Variants in FCRL6 observed in about 807,000 individuals in gnomAD.
FCRL6 encodes the protein Fc receptor-like protein 6.
Under a neutral mutation model 49.1 loss-of-function variants are expected in FCRL6, and 50 were observed. The ratio of observed to expected loss-of-function variants is 1.02; its 90% CI spans 0.81 to 1.29. The LOEUF is 1.29. FCRL6 is among the 50% of genes most tolerant of loss of function. The pLI is 0.00. For missense variants in FCRL6, 571 were observed against 518.5 expected (o/e 1.10, Z -0.98); for synonymous variants, 213 against 199.6 (o/e 1.07, Z -0.57).
At chr1:159,811,852 C>A (rs1663105517) in intron 6 of FCRL6, among the ~76,000 whole-genome samples, 1 of 152,200 alleles carries the variant, frequency 6.6e-6, no homozygotes, top group Non-Finnish European at 1.5e-5. Flanking sequence ...AATCCTCCTC[C>A]AAAGGGCCCA....
chr1:159,808,360 G>T lies in FCRL6; in HGVS notation c.235G>T (p.Gly79Cys), dbSNP rs1487920512. The T allele has an allele frequency of 6.2e-7, 1 of 1,614,058 alleles. No homozygotes were observed. Among genetic ancestry groups the T allele is most frequent in the Non-Finnish European group, 8.5e-7 (1 of 1,180,014 alleles). Residue 79 changes from glycine (G) to cysteine (C), a missense_variant, in exon 3 of 10, where the codon GGC becomes TGC. Coordinates refer to ENST00000368106, the MANE Select transcript of FCRL6 (RefSeq NM_001004310.3). ...GGGAGCAGCAACAGTGCAGAGCCGT[G>T]GCCAGTACAGCTGCTCTGGGCAGGT... ...SMGAATVQSR[G>C]QYSCSGQVMY...
chr1:159,803,118 G>T (rs1557869815), intron 1 of FCRL6, among the ~76,000 whole-genome samples: 2 of 152,126 alleles, frequency 1.3e-5, no homozygotes, highest in Non-Finnish European at 2.9e-5. Flanking sequence ...TCCATTGTCT[G>T]ATCCATGTCT....
At chr1:159,808,058 A>T in intron 2 of FCRL6, 120 bp from the exon 3 acceptor site, 1 of 1,090,930 alleles carries the variant, frequency 9.2e-7, no homozygotes, top group Non-Finnish European at 1.3e-6. Flanking sequence ...CAGTGACACC[A>T]TACCAGTGCC....
chr1:159,815,339 G>A (rs1663328349), intron 8 of FCRL6, 89 bp from the exon 9 acceptor site: 2 of 1,431,556 alleles, frequency 1.4e-6, no homozygotes, highest in Admixed American at 4.1e-5. Flanking sequence ...TGGCTTTCTA[G>A]AGGAAGATAG....
rs751102046 is a variant in FCRL6 at position 159,809,525 on chromosome 1, T to C, written c.728T>C (p.Leu243Pro). 1.4e-5 allele frequency: 23 copies of C among 1,614,060 alleles called. No homozygotes were observed. The highest frequency in any genetic ancestry group is 1.9e-5 in the Non-Finnish European group (23 of 1,180,022). ...GSPPILYSFY[L>P]DEKIVGNHSA... ...CCTCCGATCCTGTATTCCTTCTACCTTGATGAGAAGATTGTGGGGAACCAC... is the reference window on the plus strand; with the variant it reads ...CCTCCGATCCTGTATTCCTTCTACCCTGATGAGAAGATTGTGGGGAACCAC... The change falls in exon 5 of 10, where the codon CTT becomes CCT. Residue 243 changes from leucine to proline, a missense_variant. By Grantham distance (98) the Leu-to-Pro change is moderately conservative. Transcript: ENST00000368106.
chr1:159,809,040 G>A lies in FCRL6; in HGVS notation c.399G>A (p.Gln133=), dbSNP rs764917537. The A allele has an allele frequency of 7.1e-5, 115 of 1,613,952 alleles. No individual in the cohort carries two copies. The highest frequency in any genetic ancestry group is 8.8e-5 in the Non-Finnish European group (104 of 1,179,986). Residue 133 remains glutamine, a synonymous_variant, in exon 4 of 10, where the codon CAG becomes CAA. Transcript: ENST00000368106. ...REGSLVTLRC[Q]TKLHPLRSAL... ...GTAGCCTGGTGACCCTGAGATGTCA[G>A]ACAAAGCTGCACCCCCTGAGGTCAG...
At position 159,808,981 on chromosome 1, in the gene FCRL6, C is replaced by A. The variant is rs766589252; in HGVS notation, c.340C>A (p.Leu114Met). The A allele has an allele frequency of 1.2e-6, 2 of 1,611,428 alleles. No homozygotes were observed. Among genetic ancestry groups the A allele is most frequent in the South Asian group, 1.1e-5 (1 of 90,680 alleles). Reference protein sequence around the residue: ...QVQELFPPPVLSAIPSPEPRE... With the variant: ...QVQELFPPPVMSAIPSPEPRE... ...CCCAGAGCTGTTTCCACCTCCTGTGCTGAGTGCCATCCCCTCTCCTGAGCC... is the reference window on the plus strand; with the variant it reads ...CCCAGAGCTGTTTCCACCTCCTGTGATGAGTGCCATCCCCTCTCCTGAGCC... Residue 114 changes from leucine to methionine, a missense_variant, in exon 4 of 10, where the codon CTG becomes ATG. Coordinates refer to ENST00000368106, the MANE Select transcript of FCRL6 (RefSeq NM_001004310.3).
chr1:159,802,520 C>A, intron 1 of FCRL6, 65 bp downstream of exon 1: 5 of 1,424,122 alleles, frequency 3.5e-6, no homozygotes, highest in East Asian at 2.3e-5. Context: ...CCCTGAGACA[C>A]CAAGTTCCTC....
upstream of FCRL6, chr1:159,800,724 A>G (rs976425174): frequency 4.1e-5 from 37 of 898,552 alleles, no homozygotes; most frequent in Non-Finnish European, 6.3e-5. Flanking sequence ...TTAGTTTCCC[A>G]CTTCCACTGA....
chr1:159,808,238 G>C lies in FCRL6; in HGVS notation c.113G>C (p.Arg38Pro). The C allele has an allele frequency of 6.2e-7, 1 of 1,613,368 alleles. No homozygotes were observed. Residue 38 changes from arginine (R) to proline (P), a missense_variant, in exon 3 of 10, where the codon CGA (arginine) becomes CCA (proline). By Grantham distance (103) the Arg-to-Pro change is moderately radical (BLOSUM62 -2). Coordinates refer to ENST00000368106, the MANE Select transcript of FCRL6 (RefSeq NM_001004310.3). ...PVFEGDALTLRCQGWKNTPLS... is the reference protein window; with the variant it reads ...PVFEGDALTLPCQGWKNTPLS... ...TTTGAAGGAGATGCCCTGACTCTGCGATGTCAGGGATGGAAGAATACACCA... is the reference window on the plus strand; with the variant it reads ...TTTGAAGGAGATGCCCTGACTCTGCCATGTCAGGGATGGAAGAATACACCA...
At chr1:159,814,682 C>T (rs957676463) in intron 8 of FCRL6, among the ~76,000 whole-genome samples, 1 of 152,228 alleles carries the variant, frequency 6.6e-6, no homozygotes, top group Non-Finnish European at 1.5e-5. Context: ...ATGTAGTCTT[C>T]CTTTGCTCCA....
intron 1 of FCRL6, among the ~76,000 whole-genome samples, chr1:159,802,915 C>G (rs1662431886): frequency 6.6e-6 from 1 of 152,176 alleles, no homozygotes; most frequent in African/African-American, 2.4e-5. Flanking sequence ...TGGAATTTTA[C>G]AGGGTGACAT....
chr1:159,813,475 C>T lies in FCRL6; in HGVS notation c.1010-14C>T, dbSNP rs1557878689. The T allele has an allele frequency of 2.5e-6, 4 of 1,612,776 alleles. No individual in the cohort carries two copies. The highest frequency in any genetic ancestry group is 3.4e-6 in the Non-Finnish European group (4 of 1,178,930). On this transcript the variant is annotated splice_polypyrimidine_tract_variant and intron_variant, in intron 6 of 9. Coordinates refer to ENST00000368106, the MANE Select transcript of FCRL6 (RefSeq NM_001004310.3). ...TAAGGGACACCCAGTGAATCATGCC[C>T]TTGTATCTCCTAGGGCCCCTTCCAT... is the stretch of plus-strand genomic sequence containing the variant.
upstream of FCRL6, among the ~76,000 whole-genome samples, chr1:159,801,981 G>A (rs1662361456): frequency 6.6e-6 from 1 of 152,028 alleles, no homozygotes; most frequent in African/African-American, 2.4e-5. Context: ...AAGCTGGGAG[G>A]TCACTCGGTG....
At chr1:159,815,296 G>A (rs796972972) in intron 8 of FCRL6, 132 bp from the exon 9 acceptor site, 9 of 855,000 alleles carry the variant, frequency 1.1e-5, no homozygotes, top group African/African-American at 1.0e-4. Context: ...AGGTTGAGGA[G>A]GAGTGAAAGG....
Position 159,806,626 on chromosome 1 carries a change from G to T in FCRL6, c.52+10G>T. ...TGTGTTGGGAAAACTGGTAAGTTGT[G>T]TCCATGTCTCTTCTAATTCAAAGTA... On this transcript the variant is annotated intron_variant, in intron 2 of 9. Transcript: ENST00000368106. The T allele has an allele frequency of 6.2e-7, 1 of 1,613,616 alleles. No individual in the cohort carries two copies. The highest frequency in any genetic ancestry group is 8.5e-7 in the Non-Finnish European group (1 of 1,179,472).
At chr1:159,813,869 A>T (rs941024250) in intron 7 of FCRL6, among the ~76,000 whole-genome samples, 4 of 152,246 alleles carry the variant, frequency 2.6e-5, no homozygotes, top group Non-Finnish European at 5.9e-5. Context: ...ACTGTAACAC[A>T]CACATGCTCA....
intron 6 of FCRL6, among the ~76,000 whole-genome samples, chr1:159,812,298 C>T (rs1663136395): frequency 6.6e-6 from 1 of 152,242 alleles, no homozygotes; most frequent in Non-Finnish European, 1.5e-5. Context: ...GTTCTCCACA[C>T]CCAGCTCTGG....
At position 159,813,502 on chromosome 1, in the gene FCRL6, C is replaced by T. The variant is rs752735449; in HGVS notation, c.1023C>T (p.Ser341=). ...TGTATCTCCTAGGGCCCCTTCCATC[C>T]CAGATACCACCCACAGCTCCAGGTG... ...RSWRKAGPLP[S]QIPPTAPGGE... Residue 341 remains serine (S), a synonymous_variant, in exon 7 of 10, where the codon TCC becomes TCT. Transcript: ENST00000368106. The T allele has an allele frequency of 1.2e-6, 2 of 1,613,960 alleles. No homozygotes were observed. Among genetic ancestry groups the T allele is most frequent in the East Asian group, 2.2e-5 (1 of 44,898 alleles).
Sources: gnomAD v4.1 joint callset for allele counts (sites outside exome capture counted in the v4.1 genomes callset) on GRCh38, gnomAD v4.1.1 for gene constraint, MANE v1.5 for transcripts, NCBI Gene and HGNC (gene_info 2026-07-23, HGNC 2026-07-21) for gene names.